BSDC1: variants seen among roughly 807,000 people sequenced by gnomAD.
BSDC1 encodes BSD domain containing 1.
In BSDC1, 29 loss-of-function variants were observed where a neutral mutation model predicts 56.0. The ratio of observed to expected loss-of-function variants is 0.52; its 90% CI spans 0.39 to 0.71. BSDC1 has a LOEUF of 0.71. Ranked by LOEUF, BSDC1 falls within the 30% of genes least tolerant of loss-of-function variation. The pLI, the probability that BSDC1 is intolerant of heterozygous loss-of-function variation, is 0.00. For synonymous variants in BSDC1, 210 were observed against 215.3 expected, an observed-to-expected ratio of 0.98 and a Z score of 0.21; for missense variants, 477 against 548.5, an observed-to-expected ratio of 0.87 and a Z score of 1.30.
intron 3 of BSDC1, 119 bp downstream of exon 3, chr1:32,386,660 G>GTA (rs1322150168): frequency 6.7e-6 from 4 of 600,564 alleles, no homozygotes; most frequent in African/African-American, 3.8e-5. Context: ...GGGAGGAAAA[G>GTA]TAATCCACAT....
intron 3 of BSDC1, among the ~76,000 whole-genome samples, chr1:32,386,243 C>T (rs1014673409): frequency 6.8e-6 from 1 of 147,848 alleles, no homozygotes; most frequent in African/African-American, 2.5e-5. Flanking sequence ...AGCATGAACC[C>T]GGGAGGCGGA....
rs970414074 is a variant in BSDC1 at position 32,370,541 on chromosome 1, C to T, written c.1157-1991G>A. Among the ~76,000 whole-genome samples the T allele has an allele frequency of 2.0e-5, 3 of 152,038 alleles. No homozygotes were observed. In the South Asian group the frequency reaches 6.2e-4, roughly 32 times the overall value. On this transcript the variant is annotated intron_variant, in intron 9 of 10. Transcript: ENST00000455895. ...CCATGTCGCCGGGCGTGGTGGCTCA[C>T]GCTTGTAATCCCAGCACTTTGGGAG...
At position 32,390,610 on chromosome 1, in the gene BSDC1, A is replaced by G. The variant is rs141990828; in HGVS notation, c.72+3470T>C. ...CTAGGATAGCTGTCCAGCAATAGCT[A>G]TCCTCAAACACTAAAGCTGGCCGGG... is the stretch of plus-strand genomic sequence containing the variant. On this transcript the variant is annotated intron_variant, in intron 2 of 10. Transcript: ENST00000455895. Among the ~76,000 whole-genome samples, 22 of 152,296 alleles carry G rather than the reference A, an allele frequency of 1.4e-4. 1 individual carries two copies. The East Asian group carries it at 3.9e-3, about 27-fold the overall frequency.
At chr1:32,371,300 AATCTTTTTTTTT>A (rs1265712152) in intron 9 of BSDC1, among the ~76,000 whole-genome samples, 3 of 148,018 alleles carry the variant, frequency 2.0e-5, no homozygotes, top group Non-Finnish European at 4.5e-5. Context: ...ACGACTTTGT[AATCTTTTTTTTT>A]TTTTTTTTTT....
At chr1:32,388,986 GCT>G (rs1486385539) in intron 2 of BSDC1, among the ~76,000 whole-genome samples, 1 of 139,196 alleles carries the variant, frequency 7.2e-6, no homozygotes, top group African/African-American at 2.7e-5. Context: ...ATGGAGTTTC[GCT>G]CTGTTACCCA....
chr1:32,392,881 T>C (rs1312943180), intron 2 of BSDC1, among the ~76,000 whole-genome samples: 2 of 152,170 alleles, frequency 1.3e-5, no homozygotes, highest in East Asian at 1.9e-4. Flanking sequence ...CTGGCCAACA[T>C]GGTGAAACCC....
intron 10 of BSDC1, chr1:32,367,994 G>A: frequency 1.8e-6 from 2 of 1,120,076 alleles, no homozygotes; most frequent in Non-Finnish European, 2.2e-6. Flanking sequence ...CCACAACTCA[G>A]AAGGTCAGGC....
intron 9 of BSDC1, among the ~76,000 whole-genome samples, chr1:32,370,166 C>T (rs548966870): frequency 2.8e-4 from 42 of 152,140 alleles, no homozygotes; most frequent in African/African-American, 9.9e-4. Flanking sequence ...TTAGTAGAAA[C>T]GGGGTTTCAC....
At chr1:32,376,856 C>T (rs1476265305) in intron 8 of BSDC1, 115 bp from the exon 9 acceptor site, 100 of 1,176,440 alleles carry the variant, frequency 8.5e-5, no homozygotes, top group Non-Finnish European at 1.1e-4. Context: ...TCAAGCCGGG[C>T]ATGGTGGCTC....
At chr1:32,387,502 C>A (rs946024668) in intron 2 of BSDC1, among the ~76,000 whole-genome samples, 2 of 152,090 alleles carry the variant, frequency 1.3e-5, no homozygotes, top group African/African-American at 4.8e-5. Flanking sequence ...CCACCACGCC[C>A]AGCTAATTTT....
intron 9 of BSDC1, among the ~76,000 whole-genome samples, chr1:32,371,610 T>C (rs995963632): frequency 2.0e-5 from 3 of 151,954 alleles, no homozygotes; most frequent in Admixed American, 2.0e-4. Flanking sequence ...GCACCCAGCC[T>C]GTAGTCTTTT....
intron 10 of BSDC1, chr1:32,367,332 A>T: frequency 1.0e-6 from 1 of 985,460 alleles, no homozygotes; most frequent in Non-Finnish European, 1.2e-6. Flanking sequence ...GGCTGCAAAG[A>T]CACAAAAAGC....
intron 2 of BSDC1, among the ~76,000 whole-genome samples, chr1:32,393,335 T>C (rs1642931432): frequency 6.6e-6 from 1 of 152,180 alleles, no homozygotes; most frequent in African/African-American, 2.4e-5. Context: ...GATTAATCTC[T>C]CTCTCTCTAC....
Position 32,376,671 on chromosome 1 carries a change from G to C in BSDC1, c.747C>G (p.Phe249Leu). ...AKVPVAKIST[F>L]PEGEPGPQSP... Reference sequence around the variant, plus strand: ...TCTGGGGGCCAGGTTCTCCTTCAGGGAATGTAGAAATTTTGGCCACAGGAA... The same window carrying C: ...TCTGGGGGCCAGGTTCTCCTTCAGGCAATGTAGAAATTTTGGCCACAGGAA... Residue 249 changes from phenylalanine (F) to leucine (L), a missense_variant, in exon 9 of 11, where the codon TTC (phenylalanine) becomes TTG (leucine). By Grantham distance (22) the Phe-to-Leu change is conservative (BLOSUM62 0). Coordinates refer to ENST00000455895, the MANE Select transcript of BSDC1 (RefSeq NM_018045.8). 2.1e-6 allele frequency: 3 copies of C among 1,417,190 alleles called. No individual in the cohort carries two copies. The highest frequency in any genetic ancestry group is 1.9e-6 in the Non-Finnish European group (2 of 1,073,346). 87.8% of individuals were successfully genotyped at this position (1,417,190 alleles called of 1,614,324 possible).
chr1:32,376,377 C>T lies in BSDC1; in HGVS notation c.1041G>A (p.Glu347=). ...LTPAGHTGGP[E]PRPPARVETL... ...TCTCTACTCTGGCTGGAGGCCTGGG[C>T]TCTGGGCCGCCGGTGTGGCCAGCAG... The change falls in exon 9 of 11, where the codon GAG becomes GAA. Residue 347 remains glutamate, a synonymous_variant. Transcript: ENST00000455895. 6.2e-7 allele frequency: 1 copy of T among 1,613,694 alleles called. No homozygotes were observed.
At chr1:32,381,083 C>T in intron 5 of BSDC1, 131 bp downstream of exon 5, 1 of 801,714 alleles carries the variant, frequency 1.2e-6, no homozygotes. Context: ...ATAAGGTACA[C>T]ACTAGTCTCA....
At chr1:32,377,564 GCTCC>G (rs1200576687) in intron 8 of BSDC1, among the ~76,000 whole-genome samples, 1 of 152,186 alleles carries the variant, frequency 6.6e-6, no homozygotes, top group Non-Finnish European at 1.5e-5. Flanking sequence ...AAGATGCTCA[GCTCC>G]CTCCCTAACT....
At chr1:32,376,923 G>A (rs1642311290) in intron 8 of BSDC1, among the ~76,000 whole-genome samples, 182 bp from the exon 9 acceptor site, 1 of 152,138 alleles carries the variant, frequency 6.6e-6, no homozygotes, top group Non-Finnish European at 1.5e-5. Flanking sequence ...CTGAGGTCAG[G>A]AGTTTTTGAG....
chr1:32,381,114 G>A lies in BSDC1; in HGVS notation c.412+100C>T, dbSNP rs1642463770. ...TCTCACTCTGGTCTCCCTACATAGGGGGTGCCCGGCCTCTGCTACCTGAGA... is the reference window on the plus strand; with the variant it reads ...TCTCACTCTGGTCTCCCTACATAGGAGGTGCCCGGCCTCTGCTACCTGAGA... On this transcript the variant is annotated intron_variant, in intron 5 of 10. Transcript: ENST00000455895. 3 of 1,130,560 alleles carry A rather than the reference G, an allele frequency of 2.7e-6. No homozygotes were observed. The Admixed American group carries it at 5.7e-5, about 21-fold the overall frequency. The allele number at this position is 1,130,560 out of a possible 1,614,324, so 70.0% of individuals were successfully genotyped here.
Sources: allele counts gnomAD v4.1 joint callset (sites outside exome capture counted in the v4.1 genomes callset), GRCh38; gene constraint gnomAD v4.1.1; transcripts MANE v1.5; gene names NCBI Gene and HGNC (gene_info 2026-07-23, HGNC 2026-07-21).